Variants in DPP6 observed in about 807,000 individuals in gnomAD.
DPP6 encodes the protein dipeptidyl peptidase like 6.
Under a neutral mutation model 122.6 loss-of-function variants are expected in DPP6, and 69 were observed. The observed-to-expected ratio is 0.56, with a 90% CI of 0.46 to 0.69. The LOEUF (loss-of-function observed/expected upper bound fraction) is 0.69, where lower values mean the gene tolerates loss of function less well. Ranked by LOEUF, DPP6 falls within the 30% of genes least tolerant of loss-of-function variation. DPP6 has a pLI of 0.00. For synonymous variants in DPP6, 418 were observed against 433.1 expected (o/e 0.97, Z 0.43); for missense variants, 928 against 1,116.9 (o/e 0.83, Z 2.41).
chr7:154,230,129 C>G (rs1251749477), intron 1 of DPP6, among the ~76,000 whole-genome samples: 1 of 152,098 alleles, frequency 6.6e-6, no homozygotes, highest in Non-Finnish European at 1.5e-5. Context: ...CTGCACCCTC[C>G]TCCGCACCCT....
chr7:154,181,746 C>T (rs4452722), intron 1 of DPP6, among the ~76,000 whole-genome samples: 60,585 of 147,900 alleles, frequency 0.41, 14,514 homozygotes, highest in African/African-American at 0.67. Context: ...AATGCATCTC[C>T]CTCTTTTTTT....
At chr7:153,881,336 A>T in the DPP6 span, among the ~76,000 whole-genome samples, 3 of 152,232 alleles carry the variant, frequency 2.0e-5, no homozygotes, top group African/African-American at 7.2e-5. Context: ...GTAATATAAC[A>T]TTAGCACTGA....
intron 1 of DPP6, among the ~76,000 whole-genome samples, chr7:153,949,538 A>G (rs1201596255): frequency 6.6e-6 from 1 of 152,170 alleles, no homozygotes; most frequent in Non-Finnish European, 1.5e-5. Context: ...GGTGAAGGAA[A>G]AGGTGGGTAG....
chr7:154,432,752 A>C (rs1818531935), intron 1 of DPP6, among the ~76,000 whole-genome samples: 1 of 152,230 alleles, frequency 6.6e-6, no homozygotes, highest in Non-Finnish European at 1.5e-5. Flanking sequence ...TTTTTGAAAC[A>C]TTCAAGACAC....
the DPP6 span, among the ~76,000 whole-genome samples, chr7:153,799,511 G>A: frequency 3.9e-5 from 6 of 152,160 alleles, no homozygotes; most frequent in South Asian, 6.2e-4. Flanking sequence ...AGCTTGCACC[G>A]CCTCCATGTA....
At chr7:153,966,059 A>G (rs947531930) in intron 1 of DPP6, among the ~76,000 whole-genome samples, 6 of 130,684 alleles carry the variant, frequency 4.6e-5, no homozygotes, top group Middle Eastern at 3.7e-3. Context: ...ACTTGGTAAA[A>G]GGAATCATCC....
At chr7:154,062,978 T>TG (rs1802228350) in intron 1 of DPP6, among the ~76,000 whole-genome samples, 1 of 128,178 alleles carries the variant, frequency 7.8e-6, no homozygotes, top group Non-Finnish European at 1.7e-5. Context: ...GTACCTTACG[T>TG]GGAATTACTG....
At chr7:154,378,352 C>T (rs1813301846) in intron 1 of DPP6, among the ~76,000 whole-genome samples, 1 of 152,160 alleles carries the variant, frequency 6.6e-6, no homozygotes, top group Non-Finnish European at 1.5e-5. Flanking sequence ...TATAAACTAC[C>T]ATCAAAAAGT....
At chr7:154,451,040 C>A (rs904710998) in intron 2 of DPP6, among the ~76,000 whole-genome samples, 40 of 152,016 alleles carry the variant, frequency 2.6e-4, no homozygotes, top group African/African-American at 9.7e-4. Flanking sequence ...CATGTCACCC[C>A]GGTCCAAGGG....
intron 7 of DPP6, among the ~76,000 whole-genome samples, chr7:154,723,236 G>A (rs1031648409): frequency 3.9e-5 from 6 of 152,138 alleles, no homozygotes; most frequent in African/African-American, 1.4e-4. Context: ...CAGCCTGGGT[G>A]ACAGAGCAAG....
chr7:154,668,382 G>A (rs567608824), intron 6 of DPP6, among the ~76,000 whole-genome samples: 9 of 150,406 alleles, frequency 6.0e-5, no homozygotes, highest in African/African-American at 2.2e-4. Flanking sequence ...CACCGCGCCC[G>A]ACTAATTTTT....
At chr7:153,956,492 C>T (rs555911075) in intron 1 of DPP6, among the ~76,000 whole-genome samples, 11 of 152,262 alleles carry the variant, frequency 7.2e-5, no homozygotes, top group African/African-American at 2.4e-4. Flanking sequence ...CCTCTTACCT[C>T]TGCAGCAAGT....
intron 1 of DPP6, among the ~76,000 whole-genome samples, chr7:154,010,669 A>C (rs1392907611): frequency 1.3e-5 from 2 of 152,254 alleles, no homozygotes; most frequent in African/African-American, 4.8e-5. Context: ...ATTTATTTAT[A>C]GAAATGGGCT....
chr7:154,163,781 G>C (rs1797096699), intron 1 of DPP6, among the ~76,000 whole-genome samples: 2 of 152,148 alleles, frequency 1.3e-5, no homozygotes, highest in African/African-American at 2.4e-5. Context: ...TCTGGGGCTG[G>C]GTGGAGCTAT....
At chr7:153,855,093 TG>T in the DPP6 span, among the ~76,000 whole-genome samples, 2 of 68,088 alleles carry the variant, frequency 2.9e-5, no homozygotes, top group Non-Finnish European at 5.4e-5. Context: ...TGTTGTGGGT[TG>T]GGGGGAGGGG....
chr7:154,328,170 T>C (rs1269115359), intron 1 of DPP6, among the ~76,000 whole-genome samples: 1 of 152,164 alleles, frequency 6.6e-6, no homozygotes, highest in African/African-American at 2.4e-5. Flanking sequence ...CCTGGGTTGC[T>C]TGGCCCACAC....
intron 3 of DPP6, among the ~76,000 whole-genome samples, chr7:154,497,559 G>A (rs113273090): frequency 0.079 from 11,971 of 150,984 alleles, 1,517 homozygotes; most frequent in African/African-American, 0.27. Context: ...CAGTAAGCCA[G>A]GATTAAACCA....
intron 1 of DPP6, among the ~76,000 whole-genome samples, chr7:154,115,519 A>G (rs190324632): frequency 1.2e-3 from 179 of 152,302 alleles, no homozygotes; most frequent in African/African-American, 4.2e-3. Context: ...CAAAAAGCCC[A>G]GTGCAGATTG....
At chr7:154,022,714 A>G (rs1340796448) in intron 1 of DPP6, among the ~76,000 whole-genome samples, 1 of 152,186 alleles carries the variant, frequency 6.6e-6, no homozygotes, top group Non-Finnish European at 1.5e-5. Flanking sequence ...ATGACTTCGT[A>G]TCTCATTGCA....
Sources: gnomAD v4.1 joint callset for allele counts (sites outside exome capture counted in the v4.1 genomes callset) on GRCh38, gnomAD v4.1.1 for gene constraint, MANE v1.5 for transcripts, NCBI Gene and HGNC (gene_info 2026-07-23, HGNC 2026-07-21) for gene names.